Variants in ZC3H18 observed in about 807,000 individuals in gnomAD.
ZC3H18 encodes the protein zinc finger CCCH-type containing 18.
A neutral mutation model predicts 106.1 loss-of-function variants in ZC3H18; 8 were observed. The ratio of observed to expected loss-of-function variants is 0.08; its 90% CI spans 0.04 to 0.14. The LOEUF (loss-of-function observed/expected upper bound fraction) is 0.14. ZC3H18 is among the 10% of genes least tolerant of loss of function. The probability of loss-of-function intolerance (pLI) is 1.00; values close to 1 mark genes in which losing one functional copy is unlikely to be tolerated. For missense variants in ZC3H18, 1,318 were observed against 1,278.4 expected, an observed-to-expected ratio of 1.03 and a Z score of -0.47; for synonymous variants, 635 against 522.1, an observed-to-expected ratio of 1.22 and a Z score of -2.95.
At chr16:88,613,937 A>G (rs1206394759) in intron 8 of ZC3H18, among the ~76,000 whole-genome samples, 3 of 152,258 alleles carry the variant, frequency 2.0e-5, no homozygotes, top group South Asian at 2.1e-4. Flanking sequence ...TCTCAAAAAA[A>G]GGGGGGGTGT....
Position 88,577,231 on chromosome 16 carries a change from G to A in ZC3H18, c.108G>A (p.Gln36=). The A allele has an allele frequency of 6.2e-7, 1 of 1,613,634 alleles. No homozygotes were observed. Among genetic ancestry groups the A allele is most frequent in the Non-Finnish European group, 8.5e-7 (1 of 1,179,814 alleles). Residue 36 remains glutamine (Q), a synonymous_variant, in exon 2 of 18, where the codon CAG becomes CAA. Coordinates refer to ENST00000301011, the MANE Select transcript of ZC3H18 (RefSeq NM_144604.4). ...TTCTGAGGGACAGCGGGTCCGATCAGGATTTGGACGGGGCGGGGGTGAGGG... is the reference window on the plus strand; with the variant it reads ...TTCTGAGGGACAGCGGGTCCGATCAAGATTTGGACGGGGCGGGGGTGAGGG... The part of the protein sequence containing the change: ...DDILRDSGSD[Q]DLDGAGVRAS...
chr16:88,582,817 G>T (rs1400316886), intron 2 of ZC3H18, among the ~76,000 whole-genome samples: 1 of 152,192 alleles, frequency 6.6e-6, no homozygotes, highest in Non-Finnish European at 1.5e-5. Flanking sequence ...CCAAGCTGGC[G>T]TGAGGCTGCT....
At chr16:88,588,417 C>T (rs1256138894) in intron 3 of ZC3H18, among the ~76,000 whole-genome samples, 1 of 152,198 alleles carries the variant, frequency 6.6e-6, no homozygotes, top group Non-Finnish European at 1.5e-5. Flanking sequence ...GACTCTGGAC[C>T]AGGAGCCCAG....
chr16:88,577,847 A>G (rs1597319045), intron 2 of ZC3H18, 121 bp downstream of exon 2: 4 of 1,539,130 alleles, frequency 2.6e-6, no homozygotes, highest in Non-Finnish European at 3.5e-6. Context: ...GGGATGGTGC[A>G]GGAGAATGAG....
Position 88,631,513 on chromosome 16 carries a change from GAC to G in ZC3H18, c.*218_*219del, listed in dbSNP as rs1906690354. 3 of 689,650 alleles carry G rather than the reference GAC, an allele frequency of 4.4e-6. No homozygotes were observed. Among genetic ancestry groups the G allele is most frequent in the Non-Finnish European group, 7.7e-6 (3 of 390,802 alleles). The allele number at this position is 689,650 out of a possible 1,614,324, so 42.7% of individuals were successfully genotyped here. A position where few individuals can be genotyped will look rare whatever the true frequency, so the allele number is the denominator to read the frequency against. ...GAGCAGAAGTCCCGCAGGACAGACAGACACAGACAGCGCTAGTGACCAGCACG... is the reference window on the plus strand; with the variant it reads ...GAGCAGAAGTCCCGCAGGACAGACAGACAGACAGCGCTAGTGACCAGCACG... On this transcript the variant is annotated 3_prime_UTR_variant, in exon 18 of 18. Coordinates refer to ENST00000301011, the MANE Select transcript of ZC3H18 (RefSeq NM_144604.4).
rs541122188 is a variant in ZC3H18 at position 88,580,874 on chromosome 16, A to G, written c.603+3148A>G. Among the ~76,000 whole-genome samples, 4 of 152,214 alleles carry G rather than the reference A, an allele frequency of 2.6e-5. No individual in the cohort carries two copies. The East Asian group carries it at 7.7e-4, about 29-fold the overall frequency. The stretch of plus-strand genomic sequence containing the variant: ...TGCTTTCAAGTAGAGCCCTGGTGTC[A>G]CGTCTACTACCCAGATGTTTCTCTG... On this transcript the variant is annotated intron_variant, in intron 2 of 17. Coordinates refer to ENST00000301011, the MANE Select transcript of ZC3H18 (RefSeq NM_144604.4).
chr16:88,610,888 G>A (rs964278597), intron 7 of ZC3H18, among the ~76,000 whole-genome samples: 2 of 152,252 alleles, frequency 1.3e-5, no homozygotes, highest in Non-Finnish European at 2.9e-5. Flanking sequence ...CAACGACACC[G>A]GGCTGTGACT....
intron 3 of ZC3H18, among the ~76,000 whole-genome samples, chr16:88,596,083 G>A (rs949859920): frequency 6.6e-6 from 1 of 152,074 alleles, no homozygotes; most frequent in African/African-American, 2.4e-5. Context: ...CAGCACCCCC[G>A]GGCAGGTGGC....
At chr16:88,572,233 C>T (rs1237823037) in intron 1 of ZC3H18, among the ~76,000 whole-genome samples, 1 of 152,228 alleles carries the variant, frequency 6.6e-6, no homozygotes, top group Non-Finnish European at 1.5e-5. Context: ...CTCTGCATTT[C>T]AGCAGTGCCG....
intron 6 of ZC3H18, among the ~76,000 whole-genome samples, chr16:88,608,202 C>G (rs1408812804): frequency 6.6e-6 from 1 of 152,170 alleles, no homozygotes; most frequent in Non-Finnish European, 1.5e-5. Flanking sequence ...CTCCCCTTGT[C>G]CAGTCAGGGG....
chr16:88,618,291 G>A (rs968094848), intron 8 of ZC3H18, among the ~76,000 whole-genome samples: 2 of 152,020 alleles, frequency 1.3e-5, no homozygotes, highest in African/African-American at 2.4e-5. Flanking sequence ...CATGTGGCCC[G>A]TAGCTAAATG....
At chr16:88,628,886 G>C in intron 16 of ZC3H18, 32 bp downstream of exon 16, 1 of 1,611,502 alleles carries the variant, frequency 6.2e-7, no homozygotes, top group Non-Finnish European at 8.5e-7. Context: ...GGGCAGGGCA[G>C]AGGGACGGGA....
rs1468353869 is a variant in ZC3H18 at position 88,631,736 on chromosome 16, G to A, written c.*437G>A. 2.0e-5 allele frequency: 8 copies of A among 392,628 alleles called. No homozygotes were observed. The highest frequency in any genetic ancestry group is 9.9e-5 in the Admixed American group (3 of 30,406). The allele number at this position is 392,628 out of a possible 1,614,324, so 24.3% of individuals were successfully genotyped here. On this transcript the variant is annotated 3_prime_UTR_variant, in exon 18 of 18. Coordinates refer to ENST00000301011, the MANE Select transcript of ZC3H18 (RefSeq NM_144604.4). Reference sequence around the variant, plus strand: ...TGGTGGCACATCCTTCTCCTCCCCCGCCCCTGATCACCCGCCCCCGGATCA... The same window carrying A: ...TGGTGGCACATCCTTCTCCTCCCCCACCCCTGATCACCCGCCCCCGGATCA...
intron 6 of ZC3H18, among the ~76,000 whole-genome samples, chr16:88,606,431 G>A (rs1019751826): frequency 5.3e-5 from 8 of 152,238 alleles, no homozygotes; most frequent in South Asian, 2.1e-4. Context: ...CAGAAAGCCT[G>A]CAGGAAAGAG....
chr16:88,595,297 G>A (rs181336762), intron 3 of ZC3H18, among the ~76,000 whole-genome samples: 2 of 152,172 alleles, frequency 1.3e-5, no homozygotes, highest in Non-Finnish European at 2.9e-5. Context: ...CCGCTCCAGC[G>A]GCCTCTGTCC....
chr16:88,620,713 T>G (rs1205101651), intron 8 of ZC3H18, among the ~76,000 whole-genome samples: 1 of 152,082 alleles, frequency 6.6e-6, no homozygotes, highest in Admixed American at 6.5e-5. Flanking sequence ...CACTGCTGGC[T>G]GAATGAGGAA....
chr16:88,604,925 C>A (rs1191282316), intron 6 of ZC3H18, among the ~76,000 whole-genome samples: 9 of 152,192 alleles, frequency 5.9e-5, no homozygotes, highest in Non-Finnish European at 1.3e-4. Flanking sequence ...CCCCTGCCAA[C>A]TCCCCATACG....
chr16:88,589,415 C>A (rs914652048), intron 3 of ZC3H18, among the ~76,000 whole-genome samples: 1 of 152,188 alleles, frequency 6.6e-6, no homozygotes, highest in Non-Finnish European at 1.5e-5. Context: ...ACCCAGGTAC[C>A]CAAAAAGTGA....
Position 88,579,684 on chromosome 16 carries a change from G to A in ZC3H18, c.603+1958G>A, listed in dbSNP as rs1914989459. On this transcript the variant is annotated intron_variant, in intron 2 of 17. Coordinates refer to ENST00000301011, the MANE Select transcript of ZC3H18 (RefSeq NM_144604.4). Reference sequence around the variant, plus strand: ...ATTTTTGCCTACCTAGACCTTGCCTGCCCTGCCTGGCACCGTCTTGTGAGG... The same window carrying A: ...ATTTTTGCCTACCTAGACCTTGCCTACCCTGCCTGGCACCGTCTTGTGAGG... 2.6e-5 allele frequency among the ~76,000 whole-genome samples: 4 copies of A among 152,274 alleles called. No homozygotes were observed. In the South Asian group the frequency reaches 8.3e-4, roughly 32 times the overall value.
Sources: allele counts gnomAD v4.1 joint callset (sites outside exome capture counted in the v4.1 genomes callset), GRCh38; gene constraint gnomAD v4.1.1; transcripts MANE v1.5; gene names NCBI Gene and HGNC (gene_info 2026-07-23, HGNC 2026-07-21).